DCLK3: variants seen among roughly 807,000 people sequenced by gnomAD.
DCLK3 encodes the protein doublecortin like kinase 3.
A neutral mutation model predicts 46.4 loss-of-function variants in DCLK3; 30 were observed. The observed-to-expected ratio is 0.65, with a 90% CI of 0.48 to 0.88. The LOEUF (loss-of-function observed/expected upper bound fraction) is 0.88, where lower values mean the gene tolerates loss of function less well. DCLK3 is among the 40% of genes least tolerant of loss of function. DCLK3 has a pLI of 0.00. For synonymous variants in DCLK3, 401 were observed against 339.2 expected, an observed-to-expected ratio of 1.18 and a Z score of -2.00; for missense variants, 846 against 907.1, an observed-to-expected ratio of 0.93 and a Z score of 0.87.
intron 2 of DCLK3, among the ~76,000 whole-genome samples, chr3:36,731,642 A>G (rs1575139376): frequency 6.6e-6 from 1 of 152,122 alleles, no homozygotes. Context: ...AACATCTGTT[A>G]CCCTTGAGTC....
chr3:36,731,450 TGCACAC>T (rs1701197309), intron 2 of DCLK3, among the ~76,000 whole-genome samples: 1 of 68,546 alleles, frequency 1.5e-5, no homozygotes, highest in Non-Finnish European at 3.1e-5. Context: ...CCTTCGTGCG[TGCACAC>T]ACACACACAC....
In DCLK3 at chr3:36,746,856, C is replaced by T. The variant is rs1265784106; in HGVS notation, c.83-7772G>A. 2.6e-5 allele frequency among the ~76,000 whole-genome samples: 4 copies of T among 152,264 alleles called. No individual in the cohort carries two copies. The East Asian group carries it at 5.8e-4, about 22-fold the overall frequency. ...ATCACTTGTAAGTCCTGTTGAAGTG[C>T]GGGTCCTGATTCAGACAGTCTGGGT... On this transcript the variant is annotated intron_variant, in intron 1 of 4. Transcript: ENST00000636136.
chr3:36,757,855 C>T (rs1701501873), intron 1 of DCLK3, among the ~76,000 whole-genome samples: 1 of 152,116 alleles, frequency 6.6e-6, no homozygotes, highest in Admixed American at 6.5e-5. Flanking sequence ...CTTCCATCCC[C>T]TCCCACATCG....
chr3:36,760,418 T>C (rs1289753659), intron 1 of DCLK3, among the ~76,000 whole-genome samples: 3 of 149,624 alleles, frequency 2.0e-5, no homozygotes, highest in Non-Finnish European at 3.0e-5. Context: ...TAGGTGGGAA[T>C]TGAACAATGA....
intron 1 of DCLK3, among the ~76,000 whole-genome samples, chr3:36,763,619 T>A (rs1701557985): frequency 6.6e-6 from 1 of 152,244 alleles, no homozygotes; most frequent in South Asian, 2.1e-4. Context: ...CAGAGACCTC[T>A]AGAGACCTGG....
rs186101374 is a variant in DCLK3 at position 36,749,973 on chromosome 3, T to A, written c.83-10889A>T. On this transcript the variant is annotated intron_variant, in intron 1 of 4. Transcript: ENST00000636136. ...ATGCCATCAAAGGAGACAACTTAAA[T>A]GAAATGGATGGATCCCATGAAAGAC... Among the ~76,000 whole-genome samples, 189 of 152,336 alleles carry A rather than the reference T, an allele frequency of 1.2e-3. 1 individual carries two copies. The highest frequency in any genetic ancestry group is 6.8e-3 in the Middle Eastern group (2 of 294).
intron 2 of DCLK3, among the ~76,000 whole-genome samples, chr3:36,734,639 A>G (rs1386202990): frequency 6.6e-6 from 1 of 152,170 alleles, no homozygotes; most frequent in East Asian, 1.9e-4. Flanking sequence ...GATCAATTCC[A>G]ATAAACAAAA....
At chr3:36,754,722 CTA>C (rs1701471391) in intron 1 of DCLK3, among the ~76,000 whole-genome samples, 1 of 152,148 alleles carries the variant, frequency 6.6e-6, no homozygotes, top group Non-Finnish European at 1.5e-5. Context: ...TGGAGAAAAC[CTA>C]TGATTGCTAC....
chr3:36,758,837 C>T (rs745337803), intron 1 of DCLK3, among the ~76,000 whole-genome samples: 13 of 152,182 alleles, frequency 8.5e-5, no homozygotes, highest in Non-Finnish European at 1.3e-4. Flanking sequence ...CATCATAAAA[C>T]CTTGTGGCAT....
chr3:36,757,977 G>A (rs1701502763), intron 1 of DCLK3, among the ~76,000 whole-genome samples: 1 of 151,950 alleles, frequency 6.6e-6, no homozygotes, highest in Non-Finnish European at 1.5e-5. Context: ...TCACATCTTA[G>A]CTCAGCTACC....
At chr3:36,751,339 A>G (rs898936753) in intron 1 of DCLK3, among the ~76,000 whole-genome samples, 8 of 152,136 alleles carry the variant, frequency 5.3e-5, no homozygotes, top group Non-Finnish European at 8.8e-5. Flanking sequence ...AGCAGTCCTC[A>G]CTGCTGTGGG....
In DCLK3 at chr3:36,713,902, T is replaced by C. The variant is rs918853383; in HGVS notation, c.*1426A>G. 7.2e-5 allele frequency: 11 copies of C among 152,250 alleles called. No individual in the cohort carries two copies. Among genetic ancestry groups the C allele is most frequent in the Non-Finnish European group, 1.5e-4 (10 of 68,130 alleles). The allele number at this position is 152,250 out of a possible 1,614,324, so 9.4% of individuals were successfully genotyped here. A position where few individuals can be genotyped will look rare whatever the true frequency, so the allele number is the denominator to read the frequency against. On this transcript the variant is annotated 3_prime_UTR_variant, in exon 5 of 5. Transcript: ENST00000636136. ...GATATAGCCTGCTTCAGGAGGGAGC[T>C]GAAAGGTGTCTCTTCCAGTGGAGGG...
In DCLK3 at chr3:36,764,162, C is replaced by G. The variant is rs1236314911; in HGVS notation, c.82+20G>C. On this transcript the variant is annotated intron_variant, in intron 1 of 4. Transcript: ENST00000636136. This position sits in a 1 kb window ranked among gnomAD's most constrained non-coding sequence, Gnocchi z 4.9. ...AGGTGGCGCCCAGAACGGGTCGGTG[C>G]CGGAGCGCACGGTACTCACCCGGGG... The G allele has an allele frequency of 9.1e-6, 3 of 328,000 alleles. No homozygotes were observed. The highest frequency in any genetic ancestry group is 6.5e-5 in the African/African-American group (3 of 46,064). The allele number at this position is 328,000 out of a possible 1,614,324, so 20.3% of individuals were successfully genotyped here.
intron 1 of DCLK3, among the ~76,000 whole-genome samples, chr3:36,761,861 A>G (rs1701543374): frequency 6.6e-6 from 1 of 152,180 alleles, no homozygotes; most frequent in Non-Finnish European, 1.5e-5. Flanking sequence ...CACCAGCCAA[A>G]GCAGCCCTTT....
At position 36,718,167 on chromosome 3, in the gene DCLK3, C is replaced by T; in HGVS notation, c.2103G>A (p.Leu701=). 1 of 1,614,034 alleles carries T rather than the reference C, an allele frequency of 6.2e-7. No homozygotes were observed. The highest frequency in any genetic ancestry group is 8.5e-7 in the Non-Finnish European group (1 of 1,180,008). Residue 701 remains leucine, a synonymous_variant, in exon 4 of 5, where the codon CTG becomes CTA. Transcript: ENST00000636136. ...PEILSEKGYG[L]EVDMWAAGVI... ...CGCCAGCAGCCCACATGTCCACCTC[C>T]AGTCCATAACCTGCGCAGACAGAGG...
Position 36,759,325 on chromosome 3 carries a change from C to A in DCLK3, c.82+4857G>T, listed in dbSNP as rs567051084. Among the ~76,000 whole-genome samples the A allele has an allele frequency of 1.2e-4, 19 of 152,294 alleles. No homozygotes were observed. The South Asian group carries it at 3.7e-3, about 30-fold the overall frequency. ...TTAGTTCTGACCAATGGGCTGTGGACAAAAGCAACATTGCATTCATTCCAG... is the reference window on the plus strand; with the variant it reads ...TTAGTTCTGACCAATGGGCTGTGGAAAAAAGCAACATTGCATTCATTCCAG... On this transcript the variant is annotated intron_variant, in intron 1 of 4. Transcript: ENST00000636136.
rs1341794592 is a variant in DCLK3, at chr3:36,738,390, C to T, written c.777G>A (p.Arg259=). Residue 259 remains arginine (R), a synonymous_variant, in exon 2 of 5, where the codon AGG becomes AGA. Coordinates refer to ENST00000636136, the MANE Select transcript of DCLK3 (RefSeq NM_001394672.2). ...PEELSLDDRA[R]TQKKWGRGKW... ...TCCCCCTCCCCCACTTCTTCTGGGT[C>T]CTCGCTCTGTCATCTAGTGAAAGCT... 6.7e-7 allele frequency: 1 copy of T among 1,496,190 alleles called. No individual in the cohort carries two copies. Among genetic ancestry groups the T allele is most frequent in the East Asian group, 2.4e-5 (1 of 41,324 alleles). 92.7% of individuals were successfully genotyped at this position (1,496,190 alleles called of 1,614,324 possible).
chr3:36,739,127 T>A (rs940446529), intron 1 of DCLK3, 43 bp from the exon 2 acceptor site: 2 of 397,962 alleles, frequency 5.0e-6, no homozygotes, highest in East Asian at 3.6e-5. Context: ...TAAGATGGGT[T>A]CAGAGAGCCC....
At chr3:36,721,464 T>C in intron 3 of DCLK3, 63 bp downstream of exon 3, 1 of 1,580,624 alleles carries the variant, frequency 6.3e-7, no homozygotes, top group Non-Finnish European at 8.6e-7. Context: ...CTAGTAAATA[T>C]GACAAATGAA....
Sources: gnomAD v4.1 joint callset for allele counts (sites outside exome capture counted in the v4.1 genomes callset) on GRCh38, gnomAD v4.1.1 for gene constraint, Gnocchi (gnomAD v3.1) non-coding constraint, MANE v1.5 for transcripts, NCBI Gene and HGNC (gene_info 2026-07-23, HGNC 2026-07-21) for gene names.